The following CNST variants were observed in gnomAD, a reference collection of about 807,000 sequenced individuals.
CNST encodes the protein consortin.
CNST carries 39 observed loss-of-function variants against 72.4 expected under a neutral mutation model. The ratio of observed to expected loss-of-function variants is 0.54; its 90% CI spans 0.42 to 0.70. The LOEUF is 0.70. CNST is among the 30% of genes least tolerant of loss of function. CNST has a pLI of 0.00. For missense variants in CNST, 871 were observed against 868.5 expected (o/e 1.00, Z -0.04); for synonymous variants, 332 against 320.1 (o/e 1.04, Z -0.40).
rs995712363 is a variant in CNST at position 246,645,663 on chromosome 1, G to A, written c.938-1476G>A. On this transcript the variant is annotated intron_variant, in intron 8 of 10. Coordinates refer to ENST00000366513, the MANE Select transcript of CNST (RefSeq NM_152609.3). ...AGGATGGTCTCGATCTCCTGACCTC[G>A]TGATCCATCCGCCTCGGCCTCCCAA... Among the ~76,000 whole-genome samples the A allele has an allele frequency of 2.0e-5, 3 of 151,514 alleles. No individual in the cohort carries two copies. In the East Asian group the frequency reaches 5.9e-4, roughly 30 times the overall value.
intron 1 of CNST, among the ~76,000 whole-genome samples, chr1:246,587,169 G>C (rs1260745941): frequency 6.6e-6 from 1 of 152,156 alleles, no homozygotes; most frequent in Non-Finnish European, 1.5e-5. Flanking sequence ...TTGCTATGTT[G>C]CGCAGGCCGG....
chr1:246,645,481 G>A (rs1285860117), intron 8 of CNST, among the ~76,000 whole-genome samples: 2 of 139,144 alleles, frequency 1.4e-5, no homozygotes, highest in African/African-American at 2.7e-5. Flanking sequence ...AGGCTGGAGT[G>A]CAGTGGCGCA....
At chr1:246,571,197 A>G (rs969292350) in intron 1 of CNST, among the ~76,000 whole-genome samples, 6 of 152,196 alleles carry the variant, frequency 3.9e-5, no homozygotes, top group African/African-American at 1.4e-4. Context: ...CCCAGGGTGG[A>G]GTGCAGTGGT....
At chr1:246,600,834 G>A (rs1480232081) in intron 2 of CNST, among the ~76,000 whole-genome samples, 2 of 152,142 alleles carry the variant, frequency 1.3e-5, no homozygotes, top group Non-Finnish European at 2.9e-5. Flanking sequence ...GCTAGAGAGG[G>A]CCTTAAAAGT....
At chr1:246,577,254 CTGT>C (rs1045722107) in intron 1 of CNST, among the ~76,000 whole-genome samples, 8 of 152,012 alleles carry the variant, frequency 5.3e-5, no homozygotes, top group African/African-American at 1.7e-4. Context: ...CCCTGTTTTC[CTGT>C]TGTTATGACT....
intron 2 of CNST, among the ~76,000 whole-genome samples, chr1:246,594,609 A>C (rs1339793589): frequency 6.6e-6 from 1 of 152,130 alleles, no homozygotes; most frequent in African/African-American, 2.4e-5. Flanking sequence ...ATCTCTAAAA[A>C]AATACAAAAA....
intron 1 of CNST, among the ~76,000 whole-genome samples, chr1:246,583,347 A>C (rs1660920188): frequency 6.6e-6 from 1 of 152,228 alleles, no homozygotes; most frequent in Admixed American, 6.5e-5. Flanking sequence ...CCACAGTAAA[A>C]GTAACCTTCA....
intron 6 of CNST, among the ~76,000 whole-genome samples, chr1:246,636,455 A>G (rs548048478): frequency 9.9e-5 from 15 of 152,200 alleles, no homozygotes; most frequent in Admixed American, 3.3e-4. Context: ...CAGCAATTGG[A>G]CACATTCGTG....
chr1:246,624,945 C>G (rs996022220), intron 3 of CNST, among the ~76,000 whole-genome samples: 1 of 152,168 alleles, frequency 6.6e-6, no homozygotes, highest in African/African-American at 2.4e-5. Flanking sequence ...TGAGCCACCA[C>G]GCCTGGCCTT....
In CNST at chr1:246,591,915, A is replaced by C; in HGVS notation, c.353A>C (p.Lys118Thr). ...IPGKRSPRSK[K>T]GTAKKIPPGL... The stretch of plus-strand genomic sequence containing the variant: ...GGAAAAAGAAGTCCAAGAAGCAAAA[A>C]AGGGACTGCTAAGAAGATACCACCA... Residue 118 changes from lysine (K) to threonine (T), a missense_variant, in exon 2 of 11, where the codon AAA becomes ACA. Physicochemically the swap from Lys to Thr is moderately conservative, Grantham distance 78. Transcript: ENST00000366513. 2 of 1,613,496 alleles carry C rather than the reference A, an allele frequency of 1.2e-6. No individual in the cohort carries two copies. The highest frequency in any genetic ancestry group is 4.5e-5 in the East Asian group (2 of 44,886).
chr1:246,585,666 TACACACACACACACACACACACAC>T (rs56730668), intron 1 of CNST, among the ~76,000 whole-genome samples: 10 of 101,592 alleles, frequency 9.8e-5, no homozygotes, highest in Non-Finnish European at 1.8e-4. Context: ...AAAAAAAATA[TACACACACACACACACACACACAC>T]ACACACACAC....
chr1:246,617,789 A>G (rs1663801690), intron 2 of CNST, among the ~76,000 whole-genome samples: 1 of 152,198 alleles, frequency 6.6e-6, no homozygotes, highest in Non-Finnish European at 1.5e-5. Context: ...ATTCCAAGCA[A>G]CCAGAATATG....
At chr1:246,585,518 A>G (rs1368907107) in intron 1 of CNST, among the ~76,000 whole-genome samples, 3 of 151,506 alleles carry the variant, frequency 2.0e-5, no homozygotes, top group Admixed American at 1.3e-4. Flanking sequence ...GTAGTGGTGC[A>G]TGCCTGTAAT....
chr1:246,633,178 A>G (rs1302691206), intron 4 of CNST, among the ~76,000 whole-genome samples: 1 of 152,184 alleles, frequency 6.6e-6, no homozygotes, highest in African/African-American at 2.4e-5. Context: ...GGCTGGGCGC[A>G]GTGGCTCACA....
intron 10 of CNST, among the ~76,000 whole-genome samples, chr1:246,660,931 T>C (rs974941961): frequency 1.3e-5 from 2 of 152,096 alleles, no homozygotes; most frequent in African/African-American, 4.8e-5. Context: ...TTTCCCTCTT[T>C]AGTACTTTTT....
intron 5 of CNST, 35 bp from the exon 6 acceptor site, chr1:246,634,438 T>A: frequency 7.8e-7 from 1 of 1,283,492 alleles, no homozygotes; most frequent in African/African-American, 1.5e-5. Flanking sequence ...ATATGTTTTA[T>A]AAGAGCCAGT....
At chr1:246,603,613 T>C (rs902254047) in intron 2 of CNST, among the ~76,000 whole-genome samples, 2 of 152,234 alleles carry the variant, frequency 1.3e-5, no homozygotes, top group African/African-American at 4.8e-5. Flanking sequence ...GTTATATGCA[T>C]GCTATTTAGC....
chr1:246,649,161 G>GTTTTTTT, intron 9 of CNST, among the ~76,000 whole-genome samples: 1 of 134,378 alleles, frequency 7.4e-6, no homozygotes, highest in South Asian at 2.3e-4. Flanking sequence ...CTGTTGTTTT[G>GTTTTTTT]TTTTTTTTTT....
rs775069242 is a variant in CNST at position 246,647,473 on chromosome 1, T to G, written c.1272T>G (p.Phe424Leu). Reference protein sequence around the residue: ...IEGIAEDPKVFLSSKSKTEPL... With the variant: ...IEGIAEDPKVLLSSKSKTEPL... The stretch of plus-strand genomic sequence containing the variant: ...GCATTGCTGAAGACCCTAAGGTGTT[T>G]CTTTCCAGCAAGTCAAAGACAGAGC... Residue 424 changes from phenylalanine (F) to leucine (L), a missense_variant, in exon 9 of 11, where the codon TTT (phenylalanine) becomes TTG (leucine). Physicochemically the swap from Phe to Leu is conservative, Grantham distance 22. Transcript: ENST00000366513. 6.2e-7 allele frequency: 1 copy of G among 1,614,212 alleles called. No homozygotes were observed. Among genetic ancestry groups the G allele is most frequent in the Admixed American group, 1.7e-5 (1 of 60,016 alleles).
Sources: allele counts gnomAD v4.1 joint callset (sites outside exome capture counted in the v4.1 genomes callset), GRCh38; gene constraint gnomAD v4.1.1; transcripts MANE v1.5; gene names NCBI Gene and HGNC (gene_info 2026-07-23, HGNC 2026-07-21).